The following STXBP4 variants were observed in gnomAD, a reference collection of about 807,000 sequenced individuals.
STXBP4 encodes syntaxin binding protein 4.
In STXBP4, 55 loss-of-function variants were observed where a neutral mutation model predicts 76.1. The observed-to-expected ratio is 0.72, with a 90% CI of 0.58 to 0.91. The LOEUF (loss-of-function observed/expected upper bound fraction) is 0.91. Among genes scored for constraint, STXBP4 ranks in the 40% least tolerant of loss-of-function variants. The pLI is 0.00. For synonymous variants in STXBP4, 201 were observed against 220.2 expected, an observed-to-expected ratio of 0.91 and a Z score of 0.77; for missense variants, 618 against 636.9, an observed-to-expected ratio of 0.97 and a Z score of 0.32.
chr17:55,054,532 G>A (rs2078901418), intron 12 of STXBP4, among the ~76,000 whole-genome samples: 1 of 152,080 alleles, frequency 6.6e-6, no homozygotes, highest in South Asian at 2.1e-4. Context: ...CTAAGGATAA[G>A]TGCAGTAGAT....
chr17:55,083,274 C>T (rs1162743602), intron 16 of STXBP4, among the ~76,000 whole-genome samples: 1 of 152,010 alleles, frequency 6.6e-6, no homozygotes, highest in Non-Finnish European at 1.5e-5. Flanking sequence ...CCACACCCGG[C>T]CAGAAAAGAG....
chr17:55,146,547 T>TA (rs1332218473), intron 17 of STXBP4, among the ~76,000 whole-genome samples: 2 of 151,402 alleles, frequency 1.3e-5, no homozygotes, highest in African/African-American at 2.4e-5. Flanking sequence ...CTGTCTCTAC[T>TA]AAAAAAAATA....
At position 55,007,563 on chromosome 17, in the gene STXBP4, C is replaced by T. The variant is rs1419910385; in HGVS notation, c.632C>T (p.Pro211Leu). ...YGLQEKISLNPSVRFKAEKLE... is the reference protein window; with the variant it reads ...YGLQEKISLNLSVRFKAEKLE... ...CTACAAGAAAAGATCTCCCTAAATC[C>T]CTCTGTTCGCTTTAAGGCAGAGAAA... Residue 211 changes from proline to leucine, a missense_variant, in exon 8 of 18, where the codon CCC becomes CTC. Transcript: ENST00000376352. 10 of 1,607,246 alleles carry T rather than the reference C, an allele frequency of 6.2e-6. No homozygotes were observed. The Admixed American group carries it at 1.5e-4, about 25-fold the overall frequency.
chr17:55,074,180 G>T (rs1258642004), intron 13 of STXBP4, among the ~76,000 whole-genome samples: 1 of 152,048 alleles, frequency 6.6e-6, no homozygotes, highest in Non-Finnish European at 1.5e-5. Context: ...ACATTAAAAA[G>T]TTAAATACTT....
At chr17:55,193,496 G>C in the STXBP4 span, among the ~76,000 whole-genome samples, 1 of 152,110 alleles carries the variant, frequency 6.6e-6, no homozygotes, top group Non-Finnish European at 1.5e-5. Flanking sequence ...AAACAAAGGA[G>C]AAGCTTGGAG....
rs374049954 is a variant in STXBP4, at chr17:55,066,865, A to T, written c.1012-6035A>T. On this transcript the variant is annotated intron_variant, in intron 12 of 17. Transcript: ENST00000376352. ...CATGCCACTCCACTCCAGCCTAGGC[A>T]ACACAGTGAGACTCTAAAAAAGTAA... is the stretch of plus-strand genomic sequence containing the variant. Among the ~76,000 whole-genome samples the T allele has an allele frequency of 2.4e-4, 37 of 152,192 alleles. 1 individual carries two copies. Among genetic ancestry groups the T allele is most frequent in the Admixed American group, 1.6e-3 (24 of 15,274 alleles).
intron 15 of STXBP4, 35 bp from the exon 16 acceptor site, chr17:55,081,015 G>T: frequency 7.1e-7 from 1 of 1,405,038 alleles, no homozygotes; most frequent in Non-Finnish European, 9.3e-7. Flanking sequence ...TGTTTATTGT[G>T]TAGTAAGTTC....
the STXBP4 span, among the ~76,000 whole-genome samples, chr17:55,194,011 T>C: frequency 1.3e-5 from 2 of 152,044 alleles, no homozygotes; most frequent in Admixed American, 6.6e-5. Context: ...CTTTCTGCAA[T>C]TGGGAAGTGA....
At chr17:55,211,799 GTTTTTTTTTTTTTTTTTT>G in the STXBP4 span, among the ~76,000 whole-genome samples, 1 of 48,980 alleles carries the variant, frequency 2.0e-5, no homozygotes, top group Non-Finnish European at 4.1e-5. Flanking sequence ...GTTTTTTGTT[GTTTTTTTTTTTTTTTTTT>G]TTTTTTTTTT....
chr17:55,007,902 T>TA (rs1330122031), intron 8 of STXBP4, among the ~76,000 whole-genome samples: 1 of 152,184 alleles, frequency 6.6e-6, no homozygotes, highest in Non-Finnish European at 1.5e-5. Context: ...TGGAAAGATG[T>TA]AACAAATTAT....
At chr17:55,092,277 A>G (rs1226120084) in intron 16 of STXBP4, among the ~76,000 whole-genome samples, 1 of 152,196 alleles carries the variant, frequency 6.6e-6, no homozygotes, top group Non-Finnish European at 1.5e-5. Context: ...CCATGTAACC[A>G]AACACCACCT....
rs111326502 is a variant in STXBP4, at chr17:55,042,956, C to T, written c.856-280C>T. 3.5e-4 allele frequency among the ~76,000 whole-genome samples: 53 copies of T among 151,888 alleles called. 1 individual carries two copies. The highest frequency in any genetic ancestry group is 6.8e-3 in the Middle Eastern group (2 of 294). On this transcript the variant is annotated intron_variant, in intron 10 of 17. Transcript: ENST00000376352. Reference sequence around the variant, plus strand: ...TTTTTGACATTATAAACACAGTCTTCGAATTTGGAATTTTAAGGAAAATTA... The same window carrying T: ...TTTTTGACATTATAAACACAGTCTTTGAATTTGGAATTTTAAGGAAAATTA...
chr17:55,063,348 C>G (rs554390968), intron 12 of STXBP4, among the ~76,000 whole-genome samples: 1 of 152,144 alleles, frequency 6.6e-6, no homozygotes, highest in Non-Finnish European at 1.5e-5. Flanking sequence ...AATTTAGAAT[C>G]ACAGAATTTT....
the STXBP4 span, among the ~76,000 whole-genome samples, chr17:55,203,736 T>A: frequency 2.0e-5 from 3 of 152,168 alleles, no homozygotes; most frequent in African/African-American, 7.2e-5. Flanking sequence ...AAGAAAGGAA[T>A]GCTATATGTT....
At chr17:55,029,378 T>C (rs538177990) in intron 8 of STXBP4, among the ~76,000 whole-genome samples, 1 of 152,146 alleles carries the variant, frequency 6.6e-6, no homozygotes, top group East Asian at 1.9e-4. Flanking sequence ...TGCTGAGGAA[T>C]AATTTATAAA....
In STXBP4 at chr17:55,061,505, G is replaced by T. The variant is rs140920235; in HGVS notation, c.1012-11395G>T. On this transcript the variant is annotated intron_variant, in intron 12 of 17. Coordinates refer to ENST00000376352, the MANE Select transcript of STXBP4 (RefSeq NM_178509.6). ...TTTGTCAGTCTTTTCTGTTCTAAAA[G>T]CATGCTGTAGTAAAATGTTCCTGTT... 3.7e-4 allele frequency among the ~76,000 whole-genome samples: 57 copies of T among 152,256 alleles called. 1 individual carries two copies. The East Asian group carries it at 0.01, about 28-fold the overall frequency.
chr17:54,973,487 T>A (rs1339466125), intron 1 of STXBP4, among the ~76,000 whole-genome samples: 4 of 152,182 alleles, frequency 2.6e-5, no homozygotes, highest in Non-Finnish European at 5.9e-5. Context: ...CATAGTAGGA[T>A]TGGGGTCAGA....
chr17:54,988,707 G>A (rs965264250), intron 3 of STXBP4, among the ~76,000 whole-genome samples: 28 of 152,240 alleles, frequency 1.8e-4, no homozygotes, highest in African/African-American at 6.5e-4. Context: ...CTGGGAGGCA[G>A]AGGTTGCAGT....
At chr17:55,153,305 A>G (rs1269835336) in intron 17 of STXBP4, among the ~76,000 whole-genome samples, 1 of 152,192 alleles carries the variant, frequency 6.6e-6, no homozygotes, top group African/African-American at 2.4e-5. Context: ...AATTTTCACC[A>G]TAATTGAAGG....
Sources: gnomAD v4.1 joint callset for allele counts (sites outside exome capture counted in the v4.1 genomes callset) on GRCh38, gnomAD v4.1.1 for gene constraint, MANE v1.5 for transcripts, NCBI Gene and HGNC (gene_info 2026-07-23, HGNC 2026-07-21) for gene names.